The following EML5 variants were observed in gnomAD, a reference collection of about 807,000 sequenced individuals.
EML5 encodes EMAP like 5.
In EML5, 120 loss-of-function variants were observed where a neutral mutation model predicts 250.0. The observed-to-expected ratio is 0.48, with a 90% confidence interval of 0.41 to 0.56. The LOEUF (loss-of-function observed/expected upper bound fraction) is 0.56, where lower values mean the gene tolerates loss of function less well. EML5 is among the 20% of genes least tolerant of loss of function. The pLI is 0.00. For synonymous variants in EML5, 771 were observed against 806.5 expected, an observed-to-expected ratio of 0.96 and a Z score of 0.75; for missense variants, 2,006 against 2,437.6, an observed-to-expected ratio of 0.82 and a Z score of 3.73.
intron 8 of EML5, among the ~76,000 whole-genome samples, chr14:88,717,803 G>T (rs569543341): frequency 6.6e-6 from 1 of 152,158 alleles, no homozygotes; most frequent in South Asian, 2.1e-4. Context: ...AATTAAAGGA[G>T]CATAGTAATA....
At position 88,694,364 on chromosome 14, in the gene EML5, C is replaced by T. The variant is rs1358359539; in HGVS notation, c.2482G>A (p.Val828Met). ...KIFVVKMNPY[V>M]PDKLITAGIK... ...CCAGCTGTAATTAGTTTATCAGGCACATAGGGGTTCATCTTTACAACAAAA... is the reference window on the plus strand; with the variant it reads ...CCAGCTGTAATTAGTTTATCAGGCATATAGGGGTTCATCTTTACAACAAAA... The change falls in exon 17 of 44, where the codon GTG (valine) becomes ATG (methionine). Residue 828 changes from valine to methionine, a missense_variant. Val to Met is a conservative substitution (Grantham distance 21, BLOSUM62 1). Around this residue, in one of 7 missense-constraint regions of EML5, gnomAD observed 1,375 missense variants for 1,590.3 expected, o/e 0.86. Coordinates refer to ENST00000554922, the MANE Select transcript of EML5 (RefSeq NM_183387.3). The T allele has an allele frequency of 5.6e-6, 9 of 1,594,166 alleles. No individual in the cohort carries two copies. The African/African-American group carries it at 6.7e-5, about 12-fold the overall frequency.
intron 1 of EML5, among the ~76,000 whole-genome samples, chr14:88,766,606 T>C (rs1031041715): frequency 6.6e-6 from 1 of 152,188 alleles, no homozygotes; most frequent in Non-Finnish European, 1.5e-5. Flanking sequence ...TTAGCAATTT[T>C]AATTTCGCCC....
intron 8 of EML5, among the ~76,000 whole-genome samples, chr14:88,715,991 G>A (rs1469034590): frequency 2.0e-5 from 3 of 152,044 alleles, no homozygotes; most frequent in South Asian, 2.1e-4. Context: ...AAAACACCAC[G>A]GAGTTTCCAA....
intron 19 of EML5, among the ~76,000 whole-genome samples, chr14:88,686,329 C>T (rs1307533150): frequency 6.6e-6 from 1 of 151,878 alleles, no homozygotes; most frequent in Non-Finnish European, 1.5e-5. Flanking sequence ...GTGCAGCACA[C>T]CAACATGGCA....
chr14:88,706,037 A>G (rs1417320867), intron 11 of EML5, among the ~76,000 whole-genome samples: 8 of 152,158 alleles, frequency 5.3e-5, no homozygotes, highest in Admixed American at 5.2e-4. Context: ...TTCACTCATT[A>G]TTTGATAGAT....
intron 6 of EML5, 28 bp downstream of exon 6, chr14:88,738,851 A>C: frequency 2.6e-6 from 4 of 1,543,694 alleles, no homozygotes; most frequent in Non-Finnish European, 3.5e-6. Flanking sequence ...GAGTTTGCCT[A>C]GTAATAAGAC....
rs757216615 is a variant in EML5 at position 88,726,657 on chromosome 14, A to G, written c.1071T>C (p.His357=). ...CCATATTACACCTTGCTATTAATGC[A>G]TGATCTACTAGGCTCCATATCCTGT... ...RSVRIWSLVD[H]ALIARCNMEE... Residue 357 remains histidine (H), a synonymous_variant, in exon 8 of 44, where the codon CAT becomes CAC. Coordinates refer to ENST00000554922, the MANE Select transcript of EML5 (RefSeq NM_183387.3). 1 of 1,556,844 alleles carries G rather than the reference A, an allele frequency of 6.4e-7. No homozygotes were observed. Among genetic ancestry groups the G allele is most frequent in the Admixed American group, 1.9e-5 (1 of 51,652 alleles).
chr14:88,632,821 C>A (rs972611288), intron 33 of EML5, among the ~76,000 whole-genome samples: 2 of 152,136 alleles, frequency 1.3e-5, no homozygotes, highest in African/African-American at 4.8e-5. Flanking sequence ...GTGACCAACC[C>A]CCAATAAAAA....
chr14:88,627,129 G>A, intron 34 of EML5, 83 bp from the exon 35 acceptor site: 1 of 1,426,506 alleles, frequency 7.0e-7, no homozygotes, highest in Non-Finnish European at 9.8e-7. Context: ...AAAATACATA[G>A]TTCAAAAAAC....
Position 88,634,496 on chromosome 14 carries a change from T to A in EML5, c.4337-7A>T, listed in dbSNP as rs953717112. On this transcript the variant is annotated splice_polypyrimidine_tract_variant and splice_region_variant and intron_variant, in intron 32 of 43. Coordinates refer to ENST00000554922, the MANE Select transcript of EML5 (RefSeq NM_183387.3). ...GACATGTCTGCTGAATCACCTATAA[T>A]GGAAAATAATTATCTATAAATAACA... The A allele has an allele frequency of 5.6e-6, 8 of 1,436,070 alleles. No individual in the cohort carries two copies. The highest frequency in any genetic ancestry group is 7.4e-6 in the Non-Finnish European group (8 of 1,074,012). The allele number at this position is 1,436,070 out of a possible 1,614,324, so 89.0% of individuals were successfully genotyped here.
rs551650548 is a variant in EML5 at position 88,792,131 on chromosome 14, A to T, written c.197+176T>A. On this transcript the variant is annotated intron_variant, in intron 1 of 43. Coordinates refer to ENST00000554922, the MANE Select transcript of EML5 (RefSeq NM_183387.3). This position sits in a 1 kb window ranked among gnomAD's most constrained non-coding sequence, Gnocchi z 6.9. ...GAGAGAGAGTCCCTAGACGAGGAAG[A>T]GGGGAAAGGCATTTGTAGGGTGTTA... Among the ~76,000 whole-genome samples, 1 of 152,296 alleles carries T rather than the reference A, an allele frequency of 6.6e-6. No homozygotes were observed. The highest frequency in any genetic ancestry group is 2.1e-4 in the South Asian group (1 of 4,832).
chr14:88,669,218 T>C (rs1297463314), intron 21 of EML5, among the ~76,000 whole-genome samples: 2 of 151,966 alleles, frequency 1.3e-5, no homozygotes, highest in African/African-American at 4.8e-5. Flanking sequence ...GTTCCTTGAG[T>C]CCCAAGCATA....
Position 88,618,695 on chromosome 14 carries a change from G to T in EML5, c.5493C>A (p.Ser1831Arg). ...CAGAGAAGTCCATTTGAATGACAAA[G>T]CTTGGAATGTCTTTGCAGTAGCTGA... ...NRISYCKDIPSFVIQMDFSAD... is the reference protein window; with the variant it reads ...NRISYCKDIPRFVIQMDFSAD... The change falls in exon 40 of 44, where the codon AGC becomes AGA. Residue 1831 changes from serine (S) to arginine (R), a missense_variant. Physicochemically the swap from Ser to Arg is moderately radical, Grantham distance 110 (BLOSUM62 -1). Coordinates refer to ENST00000554922, the MANE Select transcript of EML5 (RefSeq NM_183387.3). 6.2e-7 allele frequency: 1 copy of T among 1,612,480 alleles called. No individual in the cohort carries two copies. The highest frequency in any genetic ancestry group is 8.5e-7 in the Non-Finnish European group (1 of 1,179,266).
intron 1 of EML5, among the ~76,000 whole-genome samples, chr14:88,784,019 G>A (rs1473220840): frequency 3.3e-5 from 5 of 152,082 alleles, no homozygotes; most frequent in African/African-American, 7.2e-5. Flanking sequence ...ATACAAATAC[G>A]TGGAAATTAA....
rs896931320 is a variant in EML5 at position 88,661,601 on chromosome 14, C to T, written c.3675+53G>A. The T allele has an allele frequency of 6.9e-5, 104 of 1,516,712 alleles. 1 individual carries two copies. The highest frequency in any genetic ancestry group is 3.6e-5 in the Non-Finnish European group (40 of 1,115,072). 94.0% of individuals were successfully genotyped at this position (1,516,712 alleles called of 1,614,324 possible). On this transcript the variant is annotated intron_variant, in intron 25 of 43. Transcript: ENST00000554922. ...ATGAAGTGCTATGACAGGACATTAC[C>T]TTAACCATTTCATAATTGATGATCA...
At chr14:88,639,857 G>A (rs563240972) in intron 31 of EML5, among the ~76,000 whole-genome samples, 8 of 152,000 alleles carry the variant, frequency 5.3e-5, no homozygotes, top group Non-Finnish European at 1.0e-4. Flanking sequence ...CTGGGATTAC[G>A]GGCATGAGCC....
At position 88,620,479 on chromosome 14, in the gene EML5, G is replaced by A. The variant is rs140713943; in HGVS notation, c.5375+275C>T. 770 of 280,650 alleles carry A rather than the reference G, an allele frequency of 2.7e-3. 5 individuals are homozygous for A. The highest frequency in any genetic ancestry group is 4.0e-3 in the Non-Finnish European group (607 of 152,492). 17.4% of individuals were successfully genotyped at this position (280,650 alleles called of 1,614,324 possible). ...GTATTACAGTGGGAGATACCTCTTG[G>A]TGGGATGAACTTAATGGACATGGCT... On this transcript the variant is annotated intron_variant, in intron 39 of 43. Coordinates refer to ENST00000554922, the MANE Select transcript of EML5 (RefSeq NM_183387.3). This position sits in a 1 kb window ranked among gnomAD's most constrained non-coding sequence, Gnocchi z 4.3.
intron 41 of EML5, 78 bp downstream of exon 41, chr14:88,618,150 G>T: frequency 1.7e-6 from 2 of 1,206,026 alleles, no homozygotes; most frequent in South Asian, 1.3e-5. Flanking sequence ...TATTGGAATG[G>T]CTCTAACAGT....
At chr14:88,746,323 C>T (rs1217946419) in intron 2 of EML5, 40 bp from the exon 3 acceptor site, 2 of 1,510,178 alleles carry the variant, frequency 1.3e-6, no homozygotes, top group Non-Finnish European at 1.8e-6. Flanking sequence ...AATAAAAAGG[C>T]AAACAAATCA....
Sources: allele counts gnomAD v4.1 joint callset (sites outside exome capture counted in the v4.1 genomes callset), GRCh38; gene constraint gnomAD v4.1.1; regional missense constraint gnomAD v4.1.1; non-coding constraint Gnocchi (gnomAD v3.1); transcripts MANE v1.5; gene names NCBI Gene and HGNC (gene_info 2026-07-23, HGNC 2026-07-21).